Variants in NRF1 observed in about 807,000 individuals in gnomAD.
The protein encoded by NRF1 is alpha palindromic-binding protein.
A neutral mutation model predicts 58.5 loss-of-function variants in NRF1; 5 were observed. The observed-to-expected ratio is 0.09, with a 90% CI of 0.04 to 0.18. The LOEUF (loss-of-function observed/expected upper bound fraction) is 0.18. NRF1 is among the 10% of genes least tolerant of loss of function. NRF1 has a pLI of 1.00. For missense variants in NRF1, 288 were observed against 657.7 expected (o/e 0.44, Z 6.15); for synonymous variants, 224 against 246.7 (o/e 0.91, Z 0.86).
chr7:129,722,141 T>C (rs1803341640), intron 9 of NRF1, among the ~76,000 whole-genome samples: 1 of 152,098 alleles, frequency 6.6e-6, no homozygotes, highest in Admixed American at 6.5e-5. Context: ...ACGCCTGTAA[T>C]CCCAGCACTT....
At chr7:129,729,165 G>A (rs1343570711) in intron 10 of NRF1, among the ~76,000 whole-genome samples, 1 of 152,162 alleles carries the variant, frequency 6.6e-6, no homozygotes, top group East Asian at 1.9e-4. Context: ...TGACCTGTCT[G>A]GGAGAGAACA....
rs1382968838 is a variant in NRF1, at chr7:129,755,526, A to G, written c.*345A>G. On this transcript the variant is annotated 3_prime_UTR_variant, in exon 11 of 11. Transcript: ENST00000393232. This position sits in a 1 kb window ranked among gnomAD's most constrained non-coding sequence, Gnocchi z 5.8. The stretch of plus-strand genomic sequence containing the variant: ...TACATATGGACATACACATTTACAT[A>G]TATATAAAGTATATATATACATATA... The G allele has an allele frequency of 2.0e-5, 2 of 102,408 alleles. No homozygotes were observed. The highest frequency in any genetic ancestry group is 7.9e-5 in the African/African-American group (2 of 25,380). The allele number at this position is 102,408 out of a possible 1,614,324, so 6.3% of individuals were successfully genotyped here. A position where few individuals can be genotyped will look rare whatever the true frequency, so the allele number is the denominator to read the frequency against.
At chr7:129,729,733 C>T (rs906108753) in intron 10 of NRF1, among the ~76,000 whole-genome samples, 1 of 152,190 alleles carries the variant, frequency 6.6e-6, no homozygotes, top group Non-Finnish European at 1.5e-5. Context: ...CCAGATTTTT[C>T]CCTCTTAATC....
At chr7:129,728,900 G>C (rs755558104) in intron 10 of NRF1, among the ~76,000 whole-genome samples, 23 of 152,180 alleles carry the variant, frequency 1.5e-4, no homozygotes, top group Non-Finnish European at 2.9e-4. Flanking sequence ...ACATCTTATA[G>C]CCACACATGT....
At chr7:129,615,885 T>C (rs1169535223) in intron 1 of NRF1, among the ~76,000 whole-genome samples, 1 of 152,184 alleles carries the variant, frequency 6.6e-6, no homozygotes, top group Admixed American at 6.5e-5. Context: ...TTCAGGTGTT[T>C]CCAGGAGATT....
intron 1 of NRF1, among the ~76,000 whole-genome samples, chr7:129,617,363 T>C (rs1800680356): frequency 6.6e-6 from 1 of 152,086 alleles, no homozygotes; most frequent in African/African-American, 2.4e-5. Context: ...CAAGGGGAAA[T>C]GAGGAAATGT....
chr7:129,612,714 C>G (rs1040080960), intron 1 of NRF1, among the ~76,000 whole-genome samples: 3 of 152,108 alleles, frequency 2.0e-5, no homozygotes. Context: ...CTGAGATGGC[C>G]GTGTGCATGG....
intron 5 of NRF1, among the ~76,000 whole-genome samples, chr7:129,691,021 G>A (rs1055768518): frequency 1.3e-5 from 2 of 152,184 alleles, no homozygotes; most frequent in East Asian, 1.9e-4. Context: ...CTTCTGAGTC[G>A]TTGATTTCCT....
chr7:129,709,804 C>T (rs1803031964), intron 6 of NRF1, among the ~76,000 whole-genome samples: 2 of 148,986 alleles, frequency 1.3e-5, no homozygotes, highest in African/African-American at 2.5e-5. Context: ...GACCTCGGCT[C>T]GCCGCAACCT....
At chr7:129,673,922 C>T (rs1016253266) in intron 3 of NRF1, among the ~76,000 whole-genome samples, 1 of 151,928 alleles carries the variant, frequency 6.6e-6, no homozygotes, top group Non-Finnish European at 1.5e-5. Flanking sequence ...GGCGGATCAC[C>T]TGAGGTCGGG....
At chr7:129,748,538 T>A (rs1332149397) in intron 10 of NRF1, among the ~76,000 whole-genome samples, 2 of 152,148 alleles carry the variant, frequency 1.3e-5, no homozygotes, top group Non-Finnish European at 2.9e-5. Flanking sequence ...CTGAGGAAGT[T>A]CACATGGCAT....
Position 129,642,756 on chromosome 7 carries a change from A to ACTTTTTTTTTTTTTT in NRF1, c.-6-14590_-6-14589insCTTTTTTTTTTTTTT, listed in dbSNP as rs1562957544. On this transcript the variant is annotated intron_variant, in intron 1 of 10. Coordinates refer to ENST00000393232, the MANE Select transcript of NRF1 (RefSeq NM_005011.5). ...TTCTAAAAGAATACATTCTTTAAAA[A>ACTTTTTTTTTTTTTT]ATTTTTTTTTTTTTTTTTTTAAATG... Among the ~76,000 whole-genome samples, 18 of 131,696 alleles carry ACTTTTTTTTTTTTTT rather than the reference A, an allele frequency of 1.4e-4. 2 individuals carry two copies. Among genetic ancestry groups the ACTTTTTTTTTTTTTT allele is most frequent in the East Asian group, 1.3e-3 (4 of 2,974 alleles). 86.4% of individuals were successfully genotyped at this position (131,696 alleles called of 152,430 possible).
chr7:129,724,386 G>A (rs1803401786), intron 9 of NRF1, among the ~76,000 whole-genome samples: 1 of 152,230 alleles, frequency 6.6e-6, no homozygotes, highest in Non-Finnish European at 1.5e-5. Context: ...AATAACAAGT[G>A]TTGGTGAGGA....
intron 5 of NRF1, among the ~76,000 whole-genome samples, chr7:129,706,101 T>G (rs1802944435): frequency 6.6e-6 from 1 of 152,194 alleles, no homozygotes; most frequent in African/African-American, 2.4e-5. Flanking sequence ...GGGAATGGGC[T>G]TAGCAGCTCT....
At chr7:129,738,615 C>T (rs1803776544) in intron 10 of NRF1, among the ~76,000 whole-genome samples, 1 of 152,192 alleles carries the variant, frequency 6.6e-6, no homozygotes, top group African/African-American at 2.4e-5. Flanking sequence ...GGGTCTTCAT[C>T]TTTTTCCTTT....
chr7:129,753,176 A>T (rs537818662), intron 10 of NRF1, among the ~76,000 whole-genome samples: 1 of 152,312 alleles, frequency 6.6e-6, no homozygotes, highest in African/African-American at 2.4e-5. Flanking sequence ...ACCCTTTTTA[A>T]AATAATTTTT....
chr7:129,713,221 C>T (rs1240739474), intron 8 of NRF1, among the ~76,000 whole-genome samples: 3 of 151,764 alleles, frequency 2.0e-5, no homozygotes, highest in African/African-American at 4.8e-5. Context: ...CTCAGCCTCC[C>T]GAGTAGCACC....
chr7:129,705,081 T>C (rs924293269), intron 5 of NRF1, among the ~76,000 whole-genome samples: 2 of 152,202 alleles, frequency 1.3e-5, no homozygotes, highest in Non-Finnish European at 2.9e-5. Context: ...AAGCTCTAAA[T>C]TTTAGAACAA....
At chr7:129,692,966 T>C (rs1802605693) in intron 5 of NRF1, among the ~76,000 whole-genome samples, 1 of 152,228 alleles carries the variant, frequency 6.6e-6, no homozygotes, top group East Asian at 1.9e-4. Flanking sequence ...ATACATCCTC[T>C]GTGTTCTTGT....
Sources: allele counts gnomAD v4.1 joint callset (sites outside exome capture counted in the v4.1 genomes callset), GRCh38; gene constraint gnomAD v4.1.1; non-coding constraint Gnocchi (gnomAD v3.1); transcripts MANE v1.5; gene names NCBI Gene and HGNC (gene_info 2026-07-23, HGNC 2026-07-21).